The following DOCK8 variants were observed in gnomAD, a reference collection of about 807,000 sequenced individuals.
The protein encoded by DOCK8 is dedicator of cytokinesis 8.
In DOCK8, 141 loss-of-function variants were observed where a neutral mutation model predicts 245.6. That is an observed-to-expected ratio of 0.57 (90% CI 0.50 to 0.66). DOCK8 has a LOEUF of 0.66. DOCK8 is among the 30% of genes least tolerant of loss of function. The probability of loss-of-function intolerance (pLI) is 0.00; values close to 1 mark genes in which losing one functional copy is unlikely to be tolerated. For synonymous variants in DOCK8, 1,168 were observed against 970.2 expected (o/e 1.20, Z -3.79); for missense variants, 2,965 against 2,603.4 (o/e 1.14, Z -3.02).
At chr9:333,372 C>G (rs58146117) in intron 10 of DOCK8, among the ~76,000 whole-genome samples, 2 of 152,196 alleles carry the variant, frequency 1.3e-5, no homozygotes, top group Non-Finnish European at 2.9e-5. Context: ...GAGGCCAAGG[C>G]GGGCAGATCA....
intron 4 of DOCK8, among the ~76,000 whole-genome samples, chr9:294,067 A>G (rs2049156039): frequency 6.6e-6 from 1 of 152,250 alleles, no homozygotes; most frequent in African/African-American, 2.4e-5. Flanking sequence ...AGATATATGT[A>G]TTAATGTATG....
intron 6 of DOCK8, chr9:312,974 A>T (rs1020473189): frequency 6.5e-6 from 1 of 153,684 alleles, no homozygotes; most frequent in Non-Finnish European, 1.4e-5. Flanking sequence ...CATAAAAGAT[A>T]TTCTATCCAT....
chr9:222,942 C>G (rs754612093), intron 1 of DOCK8, among the ~76,000 whole-genome samples: 9 of 152,140 alleles, frequency 5.9e-5, no homozygotes, highest in Non-Finnish European at 1.2e-4. Context: ...AATCAGAATC[C>G]CTTTCTATCG....
At position 357,011 on chromosome 9, in the gene DOCK8, A is replaced by C. The variant is rs530783083; in HGVS notation, c.1680-11007A>C. Among the ~76,000 whole-genome samples, 16 of 152,342 alleles carry C rather than the reference A, an allele frequency of 1.1e-4. No individual in the cohort carries two copies. The South Asian group carries it at 3.3e-3, about 32-fold the overall frequency. On this transcript the variant is annotated intron_variant, in intron 14 of 47. Coordinates refer to ENST00000432829, the MANE Select transcript of DOCK8 (RefSeq NM_203447.4). The stretch of plus-strand genomic sequence containing the variant: ...GGGAATCTGATCTGGATAAGACCTA[A>C]GACCATAAACACTCTAGCTTTCCCT...
At position 399,266 on chromosome 9, in the gene DOCK8, G is replaced by GCCC. The variant is rs759235664; in HGVS notation, c.3234+7_3234+8insCCC. ...CAGACATTATTGCAGCCAGGTGAGTGTCCCCCCCACCCCCACCCCCGAGCG... is the reference window on the plus strand; with the variant it reads ...CAGACATTATTGCAGCCAGGTGAGTGCCCTCCCCCCCACCCCCACCCCCGAGCG... On this transcript the variant is annotated splice_region_variant and intron_variant, in intron 26 of 47. Coordinates refer to ENST00000432829, the MANE Select transcript of DOCK8 (RefSeq NM_203447.4). The GCCC allele has an allele frequency of 6.3e-7, 1 of 1,593,744 alleles. No homozygotes were observed. The highest frequency in any genetic ancestry group is 1.4e-5 in the African/African-American group (1 of 69,796).
At chr9:373,884 A>G (rs1270193233) in intron 18 of DOCK8, among the ~76,000 whole-genome samples, 1 of 152,128 alleles carries the variant, frequency 6.6e-6, no homozygotes, top group Non-Finnish European at 1.5e-5. Flanking sequence ...CCACCTTCTT[A>G]TCATCAAGTT....
At chr9:215,166 C>G (rs544867176) in intron 1 of DOCK8, 137 bp downstream of exon 1, 14 of 1,495,812 alleles carry the variant, frequency 9.4e-6, no homozygotes, top group East Asian at 5.4e-5. Context: ...CTGGGGCGCC[C>G]GGTTCCCGAG....
chr9:329,889 A>T (rs760299461), intron 9 of DOCK8, among the ~76,000 whole-genome samples: 7 of 152,242 alleles, frequency 4.6e-5, no homozygotes, highest in Non-Finnish European at 1.0e-4. Flanking sequence ...AAGTGTTTGG[A>T]TAGGTTTAAG....
chr9:410,237 A>T (rs1363780479), intron 28 of DOCK8, among the ~76,000 whole-genome samples: 1 of 152,200 alleles, frequency 6.6e-6, no homozygotes, highest in Non-Finnish European at 1.5e-5. Flanking sequence ...AAAATATAAT[A>T]TTCCATTATC....
chr9:405,884 G>A (rs142098274), intron 27 of DOCK8, among the ~76,000 whole-genome samples: 1 of 152,290 alleles, frequency 6.6e-6, no homozygotes, highest in Non-Finnish European at 1.5e-5. Flanking sequence ...AATTCAAAAT[G>A]TATAAACTTT....
At chr9:359,118 C>T (rs898873083) in intron 14 of DOCK8, among the ~76,000 whole-genome samples, 5 of 152,276 alleles carry the variant, frequency 3.3e-5, no homozygotes, top group South Asian at 4.2e-4. Context: ...CTGACGCTGA[C>T]GTTGATGCTG....
At chr9:314,594 G>A (rs190395731) in intron 6 of DOCK8, 7 of 152,276 alleles carry the variant, frequency 4.6e-5, no homozygotes, top group East Asian at 1.9e-4. Flanking sequence ...GAAGTGCTTC[G>A]TAATTAGTGT....
rs115470774 is a variant in DOCK8, at chr9:383,738, A to G, written c.2778+1053A>G. On this transcript the variant is annotated intron_variant, in intron 22 of 47. Transcript: ENST00000432829. ...AAAAAAAAAAAAATCCCAAGGAGCA[A>G]TGCCAAATTTTACAAGCATATAAAA... is the stretch of plus-strand genomic sequence containing the variant. Among the ~76,000 whole-genome samples the G allele has an allele frequency of 3.1e-3, 462 of 151,048 alleles. 2 individuals are homozygous for G. Among genetic ancestry groups the G allele is most frequent in the African/African-American group, 0.011 (447 of 41,210 alleles).
intron 1 of DOCK8, among the ~76,000 whole-genome samples, chr9:269,534 G>A (rs554921): frequency 6.7e-6 from 1 of 148,402 alleles, no homozygotes; most frequent in Non-Finnish European, 1.5e-5. Context: ...GTAAGTTTTT[G>A]TGGGGAAGTG....
chr9:312,323 T>C, intron 6 of DOCK8, 157 bp downstream of exon 6: 1 of 832,850 alleles, frequency 1.2e-6, no homozygotes, highest in African/African-American at 1.7e-5. Flanking sequence ...CAAGCCTGTG[T>C]GTCATAGCAG....
At chr9:228,795 C>G (rs1458028085) in intron 1 of DOCK8, among the ~76,000 whole-genome samples, 2 of 152,156 alleles carry the variant, frequency 1.3e-5, no homozygotes, top group African/African-American at 2.4e-5. Context: ...CTGGGCTCAG[C>G]TGGACAGTTA....
At chr9:230,012 T>C (rs1245202068) in intron 1 of DOCK8, among the ~76,000 whole-genome samples, 1 of 151,350 alleles carries the variant, frequency 6.6e-6, no homozygotes, top group Admixed American at 6.6e-5. Flanking sequence ...CATTAACTCA[T>C]CATTTAGCAT....
intron 12 of DOCK8, among the ~76,000 whole-genome samples, chr9:337,210 G>A (rs1253252518): frequency 2.0e-5 from 3 of 152,272 alleles, no homozygotes; most frequent in Non-Finnish European, 2.9e-5. Context: ...CATGAGTTTT[G>A]AAGGGGACAT....
At chr9:237,592 C>T (rs571152487) in intron 1 of DOCK8, among the ~76,000 whole-genome samples, 2 of 152,266 alleles carry the variant, frequency 1.3e-5, no homozygotes, top group African/African-American at 4.8e-5. Flanking sequence ...GAGGTTGAGG[C>T]TTCAGTGAGC....
Sources: allele counts gnomAD v4.1 joint callset (sites outside exome capture counted in the v4.1 genomes callset), GRCh38; gene constraint gnomAD v4.1.1; transcripts MANE v1.5; gene names NCBI Gene and HGNC (gene_info 2026-07-23, HGNC 2026-07-21).